The following PCDHGB1 variants were observed in gnomAD, a reference collection of about 807,000 sequenced individuals.
PCDHGB1 encodes protocadherin gamma-B1.
In PCDHGB1, 34 loss-of-function variants were observed where a neutral mutation model predicts 56.6. The ratio of observed to expected loss-of-function variants is 0.60; its 90% CI spans 0.46 to 0.80. The LOEUF (loss-of-function observed/expected upper bound fraction) is 0.80, where lower values mean the gene tolerates loss of function less well. PCDHGB1 is among the 30% of genes least tolerant of loss of function. The pLI is 0.00. For missense variants in PCDHGB1, 1,278 were observed against 1,204.6 expected (o/e 1.06, Z -0.90); for synonymous variants, 561 against 505.9 (o/e 1.11, Z -1.46).
intron 1 of PCDHGB1, chr5:141,394,704 G>A (rs1357305999): frequency 1.2e-6 from 2 of 1,613,268 alleles, no homozygotes; most frequent in East Asian, 2.2e-5. Context: ...CACGGCGCGA[G>A]CCCTGCTGGA....
Position 141,350,767 on chromosome 5 carries a change from C to T in PCDHGB1, c.507C>T (p.Ile169=), listed in dbSNP as rs1044213790. The T allele has an allele frequency of 3.1e-6, 5 of 1,613,936 alleles. No homozygotes were observed. The highest frequency in any genetic ancestry group is 4.2e-6 in the Non-Finnish European group (5 of 1,179,884). Residue 169 remains isoleucine, a synonymous_variant, in exon 1 of 4, where the codon ATC becomes ATT. Transcript: ENST00000523390. ...GCAATTCACTGAAGTTATACACCAT[C>T]AACCCCAATCAATACTTCTCTCTGT... The part of the protein sequence containing the change: ...VEGNSLKLYT[I]NPNQYFSLST...
chr5:141,370,764 C>T (rs2149970844), intron 1 of PCDHGB1: 2 of 1,613,908 alleles, frequency 1.2e-6, no homozygotes, highest in Non-Finnish European at 1.7e-6. Flanking sequence ...TGTGCTGATC[C>T]AGGATATTAA....
chr5:141,470,969 A>T (rs62379203), intron 1 of PCDHGB1, among the ~76,000 whole-genome samples: 1 of 151,298 alleles, frequency 6.6e-6, no homozygotes, highest in Non-Finnish European at 1.5e-5. Flanking sequence ...CTCCCACCTC[A>T]GCCTCCCAAA....
chr5:141,498,294 G>A (rs2099782964), intron 2 of PCDHGB1, among the ~76,000 whole-genome samples: 1 of 151,910 alleles, frequency 6.6e-6, no homozygotes, highest in African/African-American at 2.4e-5. Flanking sequence ...GATCAAGCCA[G>A]CTCTGGGTCA....
chr5:141,477,229 C>T lies in PCDHGB1; in HGVS notation c.2410-17578C>T. ...AGGATGCCCCTCTGGGGACTGTCAT[C>T]GCTTTGCTCAGTGTGACTGACCTGG... On this transcript the variant is annotated intron_variant, in intron 1 of 3. Transcript: ENST00000523390. The surrounding 1 kb of genome is among the most constrained non-coding windows in gnomAD (Gnocchi z 4.9). 6.2e-7 allele frequency: 1 copy of T among 1,614,222 alleles called. No homozygotes were observed. Among genetic ancestry groups the T allele is most frequent in the Non-Finnish European group, 8.5e-7 (1 of 1,180,052 alleles).
rs1272491529 is a variant in PCDHGB1 at position 141,350,440 on chromosome 5, A to G, written c.180A>G (p.Pro60=). 1 of 1,610,678 alleles carries G rather than the reference A, an allele frequency of 6.2e-7. No individual in the cohort carries two copies. The highest frequency in any genetic ancestry group is 1.3e-5 in the African/African-American group (1 of 74,966). Reference sequence around the variant, plus strand: ...TGGGGCTCAGTGTCCGGGAGTTGCCAACTCGAAAACTGCGGGTTAGTGCAG... The same window carrying G: ...TGGGGCTCAGTGTCCGGGAGTTGCCGACTCGAAAACTGCGGGTTAGTGCAG... ...KDLGLSVREL[P]TRKLRVSAED... is the part of the protein sequence containing the mutation. The change falls in exon 1 of 4, where the codon CCA becomes CCG. Residue 60 remains proline (P), a synonymous_variant. Transcript: ENST00000523390.
chr5:141,448,204 C>G (rs757249025), intron 1 of PCDHGB1, among the ~76,000 whole-genome samples: 28 of 152,124 alleles, frequency 1.8e-4, no homozygotes, highest in South Asian at 4.1e-4. Flanking sequence ...CAAACATTTT[C>G]TGTGTGTATG....
intron 1 of PCDHGB1, chr5:141,440,405 CCACTG>C (rs2098176019): frequency 6.6e-6 from 1 of 152,126 alleles, no homozygotes; most frequent in South Asian, 2.1e-4. Flanking sequence ...GGCAATCGCA[CCACTG>C]CACTCCAGCC....
intron 1 of PCDHGB1, chr5:141,383,390 C>A: frequency 6.2e-7 from 1 of 1,614,006 alleles, no homozygotes; most frequent in South Asian, 1.1e-5. Flanking sequence ...GATGTGGGCA[C>A]GAACTCCCTC....
rs1588634140 is a variant in PCDHGB1 at position 141,366,905 on chromosome 5, C to T, written c.2409+14236C>T. 3 of 1,162,942 alleles carry T rather than the reference C, an allele frequency of 2.6e-6. No individual in the cohort carries two copies. In the East Asian group the frequency reaches 7.6e-5, roughly 29 times the overall value. The allele number at this position is 1,162,942 out of a possible 1,614,324, so 72.0% of individuals were successfully genotyped here. ...TTTTTTTATATAATTCATGCTTTCT[C>T]CATTTGTTTTCAAATTCTGTTTTGG... On this transcript the variant is annotated intron_variant, in intron 1 of 3. Transcript: ENST00000523390.
At chr5:141,381,441 G>A (rs1777194515) in intron 1 of PCDHGB1, among the ~76,000 whole-genome samples, 1 of 152,202 alleles carries the variant, frequency 6.6e-6, no homozygotes, top group Admixed American at 6.5e-5. Flanking sequence ...ATCCTGTCAG[G>A]ACAGTCCTGC....
chr5:141,475,768 G>A (rs756539564), intron 1 of PCDHGB1, among the ~76,000 whole-genome samples: 5 of 152,280 alleles, frequency 3.3e-5, no homozygotes, highest in South Asian at 2.1e-4. Flanking sequence ...TACTGGCAAG[G>A]CGCTTTGGCT....
At chr5:141,443,467 C>T (rs2098389901) in intron 1 of PCDHGB1, among the ~76,000 whole-genome samples, 2 of 152,156 alleles carry the variant, frequency 1.3e-5, no homozygotes, top group African/African-American at 4.8e-5. Context: ...GTCTGGGTGA[C>T]AGAATTAGAC....
intron 1 of PCDHGB1, chr5:141,430,826 CT>C (rs765096486): frequency 1.3e-6 from 2 of 1,550,416 alleles, no homozygotes; most frequent in East Asian, 2.2e-5. Flanking sequence ...CCTGGGGACT[CT>C]GTGGGAGACC....
In PCDHGB1 at chr5:141,450,032, G is replaced by A. The variant is rs146567243; in HGVS notation, c.2410-44775G>A. Among the ~76,000 whole-genome samples the A allele has an allele frequency of 4.6e-3, 607 of 131,666 alleles. 4 individuals are homozygous for A. The highest frequency in any genetic ancestry group is 0.017 in the African/African-American group (550 of 33,158). The allele number at this position is 131,666 out of a possible 152,430, so 86.4% of individuals were successfully genotyped here. A position where few individuals can be genotyped will look rare whatever the true frequency, so the allele number is the denominator to read the frequency against. On this transcript the variant is annotated intron_variant, in intron 1 of 3. Transcript: ENST00000523390. ...TTTTTTTTTTTTTTTTTTGAGACAG[G>A]GTCTCACTCTTTCGCCCAGGCTGGA... is the stretch of plus-strand genomic sequence containing the variant.
At chr5:141,372,234 C>A in intron 1 of PCDHGB1, 1 of 1,613,350 alleles carries the variant, frequency 6.2e-7, no homozygotes. Context: ...GGCCAGCGAG[C>A]CCGGGCTGTT....
In PCDHGB1 at chr5:141,512,739, T is replaced by C. The variant is rs1251649814; in HGVS notation, c.*1566T>C. The stretch of plus-strand genomic sequence containing the variant: ...GGCGGGTGGGCAGCGGGCGGCGGGC[T>C]CCGCGCAGCCGTCTGTCCTTGATCT... On this transcript the variant is annotated 3_prime_UTR_variant, in exon 4 of 4. Transcript: ENST00000523390. 1 of 152,822 alleles carries C rather than the reference T, an allele frequency of 6.5e-6. No individual in the cohort carries two copies. The highest frequency in any genetic ancestry group is 2.4e-5 in the African/African-American group (1 of 41,464). 9.5% of individuals were successfully genotyped at this position (152,822 alleles called of 1,614,324 possible).
intron 1 of PCDHGB1, among the ~76,000 whole-genome samples, chr5:141,445,544 T>C (rs1223868698): frequency 6.6e-6 from 1 of 152,126 alleles, no homozygotes; most frequent in Non-Finnish European, 1.5e-5. Context: ...CAAGGAGAAA[T>C]ACAAAAGCAC....
chr5:141,398,241 C>G, intron 1 of PCDHGB1: 1 of 1,474,150 alleles, frequency 6.8e-7, no homozygotes, highest in South Asian at 1.2e-5. Context: ...ACAGGATTCC[C>G]GAGGAAATGC....
Sources: allele counts gnomAD v4.1 joint callset (sites outside exome capture counted in the v4.1 genomes callset), GRCh38; gene constraint gnomAD v4.1.1; non-coding constraint Gnocchi (gnomAD v3.1); transcripts MANE v1.5; gene names NCBI Gene and HGNC (gene_info 2026-07-23, HGNC 2026-07-21).